SENP8: variants seen among roughly 807,000 people sequenced by gnomAD.
The protein encoded by SENP8 is SUMO peptidase family member, NEDD8 specific.
In SENP8, 10 loss-of-function variants were observed where a neutral mutation model predicts 14.4. The observed-to-expected ratio is 0.69, with a 90% CI of 0.43 to 1.18. The LOEUF is 1.18. Among genes scored for constraint, SENP8 ranks in the 50% most tolerant of loss-of-function variants. The pLI is 0.00. For synonymous variants in SENP8, 94 were observed against 95.5 expected, an observed-to-expected ratio of 0.98 and a Z score of 0.09; for missense variants, 202 against 249.4, an observed-to-expected ratio of 0.81 and a Z score of 1.28.
At chr15:72,129,560 A>G (rs1247466443) in intron 1 of SENP8, among the ~76,000 whole-genome samples, 11 of 140,508 alleles carry the variant, frequency 7.8e-5, no homozygotes, top group Non-Finnish European at 1.2e-4. Flanking sequence ...TTTTTTTAGT[A>G]GAGACTGGGT....
At chr15:72,130,493 G>A (rs1447920261) in intron 1 of SENP8, among the ~76,000 whole-genome samples, 1 of 151,408 alleles carries the variant, frequency 6.6e-6, no homozygotes, top group Non-Finnish European at 1.5e-5. Flanking sequence ...CAGGCAGTGG[G>A]CCAGATTTGG....
intron 1 of SENP8, among the ~76,000 whole-genome samples, chr15:72,124,459 C>T (rs1247850014): frequency 6.6e-6 from 1 of 152,140 alleles, no homozygotes; most frequent in East Asian, 1.9e-4. Context: ...GAACTTCCTT[C>T]CTGGAAATAT....
chr15:72,137,385 A>G (rs112057503), intron 1 of SENP8, among the ~76,000 whole-genome samples: 126 of 152,294 alleles, frequency 8.3e-4, no homozygotes, highest in African/African-American at 2.3e-3. Context: ...GACTAGACCC[A>G]GGTTTCCAGA....
intron 1 of SENP8, among the ~76,000 whole-genome samples, chr15:72,132,118 A>C (rs2081278864): frequency 6.6e-6 from 1 of 152,212 alleles, no homozygotes; most frequent in Non-Finnish European, 1.5e-5. Flanking sequence ...GTAAGTGGCA[A>C]GGTCAGAGCC....
At chr15:72,123,285 C>T (rs1422849058) in intron 1 of SENP8, among the ~76,000 whole-genome samples, 1 of 152,190 alleles carries the variant, frequency 6.6e-6, no homozygotes, top group Non-Finnish European at 1.5e-5. Context: ...TTAACCACTC[C>T]TTATCAGACT....
chr15:72,121,359 T>C (rs2081165804), intron 1 of SENP8, among the ~76,000 whole-genome samples: 1 of 152,244 alleles, frequency 6.6e-6, no homozygotes, highest in Non-Finnish European at 1.5e-5. Flanking sequence ...AAATCTAGAA[T>C]AATGTGCAGG....
chr15:72,120,788 G>A (rs987971513), intron 1 of SENP8, among the ~76,000 whole-genome samples: 3 of 152,204 alleles, frequency 2.0e-5, no homozygotes, highest in African/African-American at 7.2e-5. Flanking sequence ...TGAAATGCCT[G>A]CAGCAACTTT....
Position 72,140,462 on chromosome 15 carries a change from T to G in SENP8, c.*200T>G, listed in dbSNP as rs1403179724. 3 of 564,642 alleles carry G rather than the reference T, an allele frequency of 5.3e-6. No individual in the cohort carries two copies. In the African/African-American group the frequency reaches 5.7e-5, roughly 11 times the overall value. 35.0% of individuals were successfully genotyped at this position (564,642 alleles called of 1,614,324 possible). On this transcript the variant is annotated 3_prime_UTR_variant, in exon 2 of 2. Coordinates refer to ENST00000340912, the MANE Select transcript of SENP8 (RefSeq NM_145204.4). Reference sequence around the variant, plus strand: ...CCTGACTGGGGAGCAATATGTTCTGTGAAAATATCTTGAAATTGTACACCA... The same window carrying G: ...CCTGACTGGGGAGCAATATGTTCTGGGAAAATATCTTGAAATTGTACACCA...
At chr15:72,129,923 A>T (rs775817211) in intron 1 of SENP8, among the ~76,000 whole-genome samples, 2 of 151,986 alleles carry the variant, frequency 1.3e-5, no homozygotes, top group African/African-American at 2.4e-5. Flanking sequence ...ACCATAGCTC[A>T]CACCTATAAT....
chr15:72,133,396 C>G (rs1351706147), intron 1 of SENP8, among the ~76,000 whole-genome samples: 1 of 152,242 alleles, frequency 6.6e-6, no homozygotes, highest in Non-Finnish European at 1.5e-5. Context: ...ACTACTCCCA[C>G]TTCATTCTAG....
At chr15:72,136,648 G>A (rs147522218) in intron 1 of SENP8, among the ~76,000 whole-genome samples, 2 of 152,216 alleles carry the variant, frequency 1.3e-5, no homozygotes, top group African/African-American at 4.8e-5. Flanking sequence ...TTTGTTACAC[G>A]AAAATGGTTA....
chr15:72,123,325 T>C (rs1342480933), intron 1 of SENP8, among the ~76,000 whole-genome samples: 1 of 152,228 alleles, frequency 6.6e-6, no homozygotes, highest in Non-Finnish European at 1.5e-5. Flanking sequence ...AATAAAGTTC[T>C]GTCTACACCT....
chr15:72,126,678 G>A (rs1245059918), intron 1 of SENP8, among the ~76,000 whole-genome samples: 1 of 152,086 alleles, frequency 6.6e-6, no homozygotes, highest in African/African-American at 2.4e-5. Context: ...CACTGCTATG[G>A]GAACATAATG....
chr15:72,136,662 C>T (rs1232160794), intron 1 of SENP8, among the ~76,000 whole-genome samples: 1 of 152,036 alleles, frequency 6.6e-6, no homozygotes, highest in Non-Finnish European at 1.5e-5. Flanking sequence ...ATGGTTATAT[C>T]ACAAAAATTA....
Position 72,139,884 on chromosome 15 carries a change from T to G in SENP8, c.261T>G (p.Phe87Leu). 1 of 1,614,190 alleles carries G rather than the reference T, an allele frequency of 6.2e-7. No individual in the cohort carries two copies. Among genetic ancestry groups the G allele is most frequent in the Non-Finnish European group, 8.5e-7 (1 of 1,180,026 alleles). Residue 87 changes from phenylalanine (F) to leucine (L), a missense_variant, in exon 2 of 2, where the codon TTT (phenylalanine) becomes TTG (leucine). By Grantham distance (22) the Phe-to-Leu change is conservative (BLOSUM62 0). Coordinates refer to ENST00000340912, the MANE Select transcript of SENP8 (RefSeq NM_145204.4). ...ACCTCCCCAACAAGAGAGTTGTATT[T>G]TTAGCCATCAATGATAACTCCAACC... ...PLDLPNKRVV[F>L]LAINDNSNQA...
At chr15:72,123,181 A>G (rs1404682877) in intron 1 of SENP8, among the ~76,000 whole-genome samples, 1 of 152,240 alleles carries the variant, frequency 6.6e-6, no homozygotes, top group Non-Finnish European at 1.5e-5. Context: ...TTAAAAGATC[A>G]TAGCTTTTTT....
intron 1 of SENP8, among the ~76,000 whole-genome samples, chr15:72,130,256 G>A (rs1455227995): frequency 6.6e-6 from 1 of 152,154 alleles, no homozygotes; most frequent in Non-Finnish European, 1.5e-5. Flanking sequence ...AATGTCCCCA[G>A]TGCTTTATTA....
At chr15:72,124,313 A>G (rs1341348278) in intron 1 of SENP8, among the ~76,000 whole-genome samples, 1 of 152,188 alleles carries the variant, frequency 6.6e-6, no homozygotes, top group Non-Finnish European at 1.5e-5. Context: ...TAATCTGTGT[A>G]CTCAAGAGGG....
intron 1 of SENP8, among the ~76,000 whole-genome samples, chr15:72,138,565 G>T (rs2081348965): frequency 6.6e-6 from 1 of 151,216 alleles, no homozygotes; most frequent in African/African-American, 2.4e-5. Flanking sequence ...GGCCAGGCTG[G>T]TCTCAAACTC....
Sources: gnomAD v4.1 joint callset for allele counts (sites outside exome capture counted in the v4.1 genomes callset) on GRCh38, gnomAD v4.1.1 for gene constraint, MANE v1.5 for transcripts, NCBI Gene and HGNC (gene_info 2026-07-23, HGNC 2026-07-21) for gene names.